Variants in SEL1L3 observed in about 807,000 individuals in gnomAD.
SEL1L3 encodes protein sel-1 homolog 3.
A neutral mutation model predicts 142.8 loss-of-function variants in SEL1L3; 76 were observed. The ratio of observed to expected loss-of-function variants is 0.53; its 90% CI spans 0.44 to 0.64. SEL1L3 has a LOEUF of 0.64. Among genes scored for constraint, SEL1L3 ranks in the 30% least tolerant of loss-of-function variants. The pLI is 0.00. For missense variants in SEL1L3, 1,262 were observed against 1,381.7 expected, an observed-to-expected ratio of 0.91 and a Z score of 1.37; for synonymous variants, 504 against 519.6, an observed-to-expected ratio of 0.97 and a Z score of 0.41.
intron 5 of SEL1L3, among the ~76,000 whole-genome samples, chr4:25,832,285 A>G (rs901873558): frequency 2.6e-5 from 4 of 152,232 alleles, no homozygotes; most frequent in African/African-American, 7.2e-5. Flanking sequence ...GTTTTGTTAC[A>G]GGAAAAATCA....
chr4:25,858,005 C>A (rs1295846579), intron 1 of SEL1L3, among the ~76,000 whole-genome samples: 2 of 152,268 alleles, frequency 1.3e-5, no homozygotes, highest in Non-Finnish European at 2.9e-5. Context: ...GGCAGAATCC[C>A]ATCAGCCATT....
At chr4:25,847,044 A>G (rs1282452136) in intron 2 of SEL1L3, among the ~76,000 whole-genome samples, 1 of 151,996 alleles carries the variant, frequency 6.6e-6, no homozygotes, top group Non-Finnish European at 1.5e-5. Flanking sequence ...ACCCTCTCAA[A>G]GTCCACCTTC....
chr4:25,736,987 C>CT, the SEL1L3 span, among the ~76,000 whole-genome samples: 1 of 145,132 alleles, frequency 6.9e-6, no homozygotes. Context: ...TTTTCTTTTT[C>CT]TTTTTTTTCT....
intron 11 of SEL1L3, among the ~76,000 whole-genome samples, chr4:25,797,468 C>T (rs1483693302): frequency 2.6e-5 from 4 of 152,096 alleles, no homozygotes; most frequent in Non-Finnish European, 5.9e-5. Context: ...AAATTTAACA[C>T]TTTAGGGACT....
chr4:25,747,785 G>A lies in SEL1L3; in HGVS notation c.*640C>T, dbSNP rs1338938849. 6.6e-6 allele frequency: 1 copy of A among 152,618 alleles called. No homozygotes were observed. Among genetic ancestry groups the A allele is most frequent in the East Asian group, 1.9e-4 (1 of 5,196 alleles). 9.5% of individuals were successfully genotyped at this position (152,618 alleles called of 1,614,324 possible). ...CATGGATTGCAATTGAAATGTAAAA[G>A]ATATCCGACAATGCCATTAAATGAT... On this transcript the variant is annotated 3_prime_UTR_variant, in exon 24 of 24. Coordinates refer to ENST00000399878, the MANE Select transcript of SEL1L3 (RefSeq NM_015187.5).
At chr4:25,722,947 G>C in the SEL1L3 span, among the ~76,000 whole-genome samples, 1 of 152,182 alleles carries the variant, frequency 6.6e-6, no homozygotes, top group Non-Finnish European at 1.5e-5. Flanking sequence ...AAAAGGAATA[G>C]GAGAAGGGGT....
intron 2 of SEL1L3, among the ~76,000 whole-genome samples, chr4:25,841,723 G>C (rs1218255916): frequency 1.3e-5 from 2 of 152,172 alleles, no homozygotes; most frequent in Non-Finnish European, 2.9e-5. Flanking sequence ...CACTTTGGGG[G>C]CCGATGCAGG....
At chr4:25,846,342 A>C (rs1044383274) in intron 2 of SEL1L3, among the ~76,000 whole-genome samples, 4 of 152,244 alleles carry the variant, frequency 2.6e-5, no homozygotes, top group Non-Finnish European at 4.4e-5. Context: ...TGTGGACTCT[A>C]TCATCATCAC....
intron 19 of SEL1L3, among the ~76,000 whole-genome samples, chr4:25,766,931 G>A (rs1488053425): frequency 2.0e-5 from 3 of 152,154 alleles, no homozygotes; most frequent in African/African-American, 4.8e-5. Flanking sequence ...AGAGGAATCC[G>A]CACAAATGAC....
intron 5 of SEL1L3, among the ~76,000 whole-genome samples, chr4:25,832,054 G>T (rs964695274): frequency 2.0e-5 from 3 of 152,006 alleles, no homozygotes; most frequent in Non-Finnish European, 4.4e-5. Context: ...ACATACATAG[G>T]AAGCTAAAAT....
the SEL1L3 span, among the ~76,000 whole-genome samples, chr4:25,727,079 G>A: frequency 2.8e-5 from 2 of 71,100 alleles, no homozygotes; most frequent in African/African-American, 1.5e-4. Context: ...TTGAGACGGA[G>A]TCTCGCTCTG....
Position 25,748,511 on chromosome 4 carries a change from T to A in SEL1L3, c.3313A>T (p.Thr1105Ser). The change falls in exon 24 of 24, where the codon ACT becomes TCT. Residue 1105 changes from threonine to serine, a missense_variant. Physicochemically the swap from Thr to Ser is moderately conservative, Grantham distance 58. This residue lies in a region of SEL1L3 where 138 missense variants were observed against 129.7 expected (regional missense o/e 1.06). Coordinates refer to ENST00000399878, the MANE Select transcript of SEL1L3 (RefSeq NM_015187.5). Reference sequence around the variant, plus strand: ...GCTGGAGTCACAGCTGGACTTGCAGTGGACGTGGCAGTGTCTGGGGAGGCC... The same window carrying A: ...GCTGGAGTCACAGCTGGACTTGCAGAGGACGTGGCAGTGTCTGGGGAGGCC... ...SQASPDTATSTASPAVTPAAD... is the reference protein window; with the variant it reads ...SQASPDTATSSASPAVTPAAD... 6.2e-7 allele frequency: 1 copy of A among 1,612,076 alleles called. No individual in the cohort carries two copies. Among genetic ancestry groups the A allele is most frequent in the South Asian group, 1.1e-5 (1 of 90,346 alleles).
chr4:25,768,027 TCA>T (rs1718878722), intron 17 of SEL1L3, among the ~76,000 whole-genome samples, 197 bp from the exon 18 acceptor site: 2 of 152,174 alleles, frequency 1.3e-5, no homozygotes, highest in African/African-American at 4.8e-5. Context: ...AAGGCTGAAC[TCA>T]CAGACAAGGC....
downstream of SEL1L3, among the ~76,000 whole-genome samples, chr4:25,746,172 G>A (rs546176848): frequency 3.9e-5 from 6 of 152,134 alleles, no homozygotes; most frequent in Non-Finnish European, 5.9e-5. Context: ...GCTCCCATGA[G>A]AGCAGGTTGT....
At chr4:25,849,331 G>A (rs539424653) in intron 1 of SEL1L3, among the ~76,000 whole-genome samples, 8 of 152,316 alleles carry the variant, frequency 5.3e-5, no homozygotes, top group African/African-American at 1.9e-4. Flanking sequence ...TACATGGGAT[G>A]GAATATTATT....
chr4:25,849,044 C>A (rs915492370), intron 1 of SEL1L3, among the ~76,000 whole-genome samples: 1 of 152,122 alleles, frequency 6.6e-6, no homozygotes, highest in African/African-American at 2.4e-5. Context: ...GAGGCTGAGG[C>A]AGGAGAATCA....
intron 1 of SEL1L3, among the ~76,000 whole-genome samples, chr4:25,848,708 C>T (rs1337732973): frequency 6.6e-6 from 1 of 152,174 alleles, no homozygotes; most frequent in African/African-American, 2.4e-5. Context: ...AACGCATACA[C>T]ACAGAGAGAA....
At chr4:25,848,810 T>C (rs534097563) in intron 1 of SEL1L3, among the ~76,000 whole-genome samples, 1 of 152,324 alleles carries the variant, frequency 6.6e-6, no homozygotes, top group South Asian at 2.1e-4. Context: ...TGGAAAATAG[T>C]ATAGCAGTTC....
chr4:25,736,734 G>C, the SEL1L3 span, among the ~76,000 whole-genome samples: 1 of 152,134 alleles, frequency 6.6e-6, no homozygotes, highest in Non-Finnish European at 1.5e-5. Flanking sequence ...CTATTACTGA[G>C]AGAAGTGCAT....
Sources: gnomAD v4.1 joint callset for allele counts (sites outside exome capture counted in the v4.1 genomes callset) on GRCh38, gnomAD v4.1.1 for gene constraint, gnomAD v4.1.1 regional missense constraint, MANE v1.5 for transcripts, NCBI Gene and HGNC (gene_info 2026-07-23, HGNC 2026-07-21) for gene names.